Variants in RNF166 observed in about 807,000 individuals in gnomAD.
RNF166 encodes ring finger protein 166, also known as E3 ubiquitin-protein ligase RNF166.
In RNF166, 19 loss-of-function variants were observed where a neutral mutation model predicts 29.4. That is an observed-to-expected ratio of 0.65 (90% CI 0.45 to 0.95). RNF166 has a LOEUF of 0.95. Ranked by LOEUF, RNF166 falls within the 40% of genes least tolerant of loss-of-function variation. The pLI is 0.00. For missense variants in RNF166, 347 were observed against 322.1 expected (o/e 1.08, Z -0.59); for synonymous variants, 171 against 134.5 (o/e 1.27, Z -1.88).
At chr16:88,703,785 C>A in intron 1 of RNF166, 1 of 985,482 alleles carries the variant, frequency 1.0e-6, no homozygotes, top group South Asian at 4.7e-5. Flanking sequence ...GCACCCGGGA[C>A]TGCCAATGTG....
At chr16:88,701,112 G>A (rs1416378173) in intron 2 of RNF166, 150 bp downstream of exon 2, 19 of 1,240,972 alleles carry the variant, frequency 1.5e-5, no homozygotes, top group Non-Finnish European at 2.0e-5. Context: ...GGAGGGAGGC[G>A]CCGGGGCTGG....
rs112070238 is a variant in RNF166, at chr16:88,706,338, C to T, written c.-13G>A. On this transcript the variant is annotated 5_prime_UTR_variant, in exon 1 of 6. Transcript: ENST00000312838. ...GGAACATAGCCATCCCGGGGCCAGG[C>T]CCGCGCCGCCCGCCGCCCGCTGTCC... 484,432 of 1,218,000 alleles carry T rather than the reference C, an allele frequency of 0.4. 103,650 individuals carry two copies. Among genetic ancestry groups the T allele is most frequent in the Non-Finnish European group, 0.44 (430,167 of 980,178 alleles). 75.4% of individuals were successfully genotyped at this position (1,218,000 alleles called of 1,614,324 possible). A position where few individuals can be genotyped will look rare whatever the true frequency, so the allele number is the denominator to read the frequency against.
chr16:88,699,529 C>G, intron 3 of RNF166, 91 bp downstream of exon 3: 1 of 1,040,024 alleles, frequency 9.6e-7, no homozygotes, highest in Non-Finnish European at 1.4e-6. Context: ...GGTGACTCCC[C>G]CAGCCTCTCT....
rs543719755 is a variant in RNF166, at chr16:88,703,855, T to G, written c.155+2316A>C. On this transcript the variant is annotated intron_variant, in intron 1 of 5. Coordinates refer to ENST00000312838, the MANE Select transcript of RNF166 (RefSeq NM_178841.4). ...TGGGACGGCCCGTGCCTCAGGGATCTGCCTGGCTGGCAGGCCAGCACCCTC... is the reference window on the plus strand; with the variant it reads ...TGGGACGGCCCGTGCCTCAGGGATCGGCCTGGCTGGCAGGCCAGCACCCTC... 1.4e-4 allele frequency: 142 copies of G among 985,462 alleles called. No homozygotes were observed. The African/African-American group carries it at 2.3e-3, about 16-fold the overall frequency. 61.0% of individuals were successfully genotyped at this position (985,462 alleles called of 1,614,324 possible).
At position 88,706,375 on chromosome 16, in the gene RNF166, G is replaced by C. The variant is rs1910810109; in HGVS notation, c.-50C>G. The C allele has an allele frequency of 2.5e-6, 3 of 1,215,166 alleles. No individual in the cohort carries two copies. Among genetic ancestry groups the C allele is most frequent in the Admixed American group, 4.4e-5 (1 of 22,826 alleles). The allele number at this position is 1,215,166 out of a possible 1,614,324, so 75.3% of individuals were successfully genotyped here. ...GCCGCCCGCTGTCCTGGCCCGGGCC[G>C]GCCCGCTAGTCACAGCCGCTACTGC... On this transcript the variant is annotated 5_prime_UTR_variant, in exon 1 of 6. Coordinates refer to ENST00000312838, the MANE Select transcript of RNF166 (RefSeq NM_178841.4).
At chr16:88,704,203 C>G in intron 1 of RNF166, 1 of 985,452 alleles carries the variant, frequency 1.0e-6, no homozygotes, top group South Asian at 4.7e-5. Flanking sequence ...CCTGAAGAGC[C>G]TTTAAACTTT....
At position 88,697,966 on chromosome 16, in the gene RNF166, C is replaced by T. The variant is rs922365517; in HGVS notation, c.649-333G>A. 14 of 467,894 alleles carry T rather than the reference C, an allele frequency of 3.0e-5. 1 individual carries two copies. In the South Asian group the frequency reaches 3.1e-4, roughly 10 times the overall value. 29.0% of individuals were successfully genotyped at this position (467,894 alleles called of 1,614,324 possible). ...AATTTCCATCCTGAGGCAGGCGGAGCGTGGGTCCCGGACGACTGGCAGAGG... is the reference window on the plus strand; with the variant it reads ...AATTTCCATCCTGAGGCAGGCGGAGTGTGGGTCCCGGACGACTGGCAGAGG... On this transcript the variant is annotated intron_variant, in intron 5 of 5. Coordinates refer to ENST00000312838, the MANE Select transcript of RNF166 (RefSeq NM_178841.4).
chr16:88,700,656 G>T lies in RNF166; in HGVS notation c.312+606C>A, dbSNP rs569670553. Reference sequence around the variant, plus strand: ...GTCCTCCGGAAGCCACTGAAAGAACGGGGCGCTGGCTGGGGCCTCTCCACC... The same window carrying T: ...GTCCTCCGGAAGCCACTGAAAGAACTGGGCGCTGGCTGGGGCCTCTCCACC... On this transcript the variant is annotated intron_variant, in intron 2 of 5. Coordinates refer to ENST00000312838, the MANE Select transcript of RNF166 (RefSeq NM_178841.4). 9.1e-6 allele frequency: 9 copies of T among 986,700 alleles called. No homozygotes were observed. The African/African-American group carries it at 1.4e-4, about 15-fold the overall frequency. The allele number at this position is 986,700 out of a possible 1,614,324, so 61.1% of individuals were successfully genotyped here. A position where few individuals can be genotyped will look rare whatever the true frequency, so the allele number is the denominator to read the frequency against.
intron 2 of RNF166, 46 bp from the exon 3 acceptor site, chr16:88,699,778 A>AG: frequency 6.8e-7 from 1 of 1,477,894 alleles, no homozygotes; most frequent in Non-Finnish European, 9.4e-7. Context: ...AGAATCTGGA[A>AG]GGGCCGTCCT....
chr16:88,706,254 G>A lies in RNF166; in HGVS notation c.72C>T (p.Asp24=). Residue 24 remains aspartate, a synonymous_variant, in exon 1 of 6, where the codon GAC becomes GAT. Transcript: ENST00000312838. ...RQPPAGPAGG[D]SGLEAQYTCP... ...AGGTGTACTGCGCCTCCAGGCCGCTGTCGCCGCCCGCCGGCCCGGCCGGCG... is the reference window on the plus strand; with the variant it reads ...AGGTGTACTGCGCCTCCAGGCCGCTATCGCCGCCCGCCGGCCCGGCCGGCG... The A allele has an allele frequency of 2.3e-6, 3 of 1,302,192 alleles. No homozygotes were observed. The highest frequency in any genetic ancestry group is 2.9e-6 in the Non-Finnish European group (3 of 1,022,780). 80.7% of individuals were successfully genotyped at this position (1,302,192 alleles called of 1,614,324 possible). A position where few individuals can be genotyped will look rare whatever the true frequency, so the allele number is the denominator to read the frequency against.
chr16:88,697,472 C>A lies in RNF166; in HGVS notation c.*96G>T. The A allele has an allele frequency of 1.1e-6, 1 of 896,204 alleles. No homozygotes were observed. The highest frequency in any genetic ancestry group is 1.8e-6 in the Non-Finnish European group (1 of 570,092). 55.5% of individuals were successfully genotyped at this position (896,204 alleles called of 1,614,324 possible). A position where few individuals can be genotyped will look rare whatever the true frequency, so the allele number is the denominator to read the frequency against. On this transcript the variant is annotated 3_prime_UTR_variant, in exon 6 of 6. Transcript: ENST00000312838. Reference sequence around the variant, plus strand: ...CGGGTGCAGGCTCCTCCTGTGAGCTCAGTCCGGTGAGGTGCGCTCCCGAGC... The same window carrying A: ...CGGGTGCAGGCTCCTCCTGTGAGCTAAGTCCGGTGAGGTGCGCTCCCGAGC...
intron 1 of RNF166, chr16:88,703,292 G>T: frequency 3.0e-6 from 3 of 985,234 alleles, no homozygotes; most frequent in Non-Finnish European, 3.6e-6. Flanking sequence ...CGACTGGATG[G>T]TGCACCTCCT....
At chr16:88,701,021 G>GCGGCTCTGACAGTGCTACCCC in intron 2 of RNF166, 1 of 1,381,660 alleles carries the variant, frequency 7.2e-7, no homozygotes, top group Non-Finnish European at 9.4e-7. Flanking sequence ...CCCGGGCTAG[G>GCGGCTCTGACAGTGCTACCCC]CGGCTCTGAC....
rs1910430118 is a variant in RNF166, at chr16:88,703,133, A to G, written c.156-1715T>C. On this transcript the variant is annotated intron_variant, in intron 1 of 5. Coordinates refer to ENST00000312838, the MANE Select transcript of RNF166 (RefSeq NM_178841.4). ...CCACCCGTGTCGTGGGGGTCCACTC[A>G]CGCTCAACGTCCAGCAGAGAGAAAC... is the stretch of plus-strand genomic sequence containing the variant. 3.0e-6 allele frequency: 3 copies of G among 985,426 alleles called. 1 individual carries two copies. The South Asian group carries it at 1.4e-4, about 46-fold the overall frequency. 61.0% of individuals were successfully genotyped at this position (985,426 alleles called of 1,614,324 possible).
rs1486483124 is a variant in RNF166 at position 88,701,313 on chromosome 16, C to T, written c.261G>A (p.Val87=). 1 of 1,613,772 alleles carries T rather than the reference C, an allele frequency of 6.2e-7. No homozygotes were observed. The highest frequency in any genetic ancestry group is 1.1e-5 in the South Asian group (1 of 91,086). The change falls in exon 2 of 6, where the codon GTG becomes GTA. Residue 87 remains valine, a synonymous_variant. Transcript: ENST00000312838. ...DPKKVDKATH[V]EKQLSSYKAP... is the part of the protein sequence containing the mutation. ...CTTTGTAGGATGAGAGCTGCTTCTC[C>T]ACGTGGGTGGCCTTGTCCACCTTCT...
intron 1 of RNF166, chr16:88,704,143 G>T: frequency 2.0e-6 from 2 of 985,470 alleles, no homozygotes; most frequent in Non-Finnish European, 2.4e-6. Context: ...TCTGGTTGGG[G>T]AGCTTGCGGA....
chr16:88,705,774 T>C (rs1390163033), intron 1 of RNF166, among the ~76,000 whole-genome samples: 1 of 152,140 alleles, frequency 6.6e-6, no homozygotes, highest in East Asian at 1.9e-4. Context: ...AAACTACAAG[T>C]TATTTATTTA....
chr16:88,698,887 C>T (rs944163541), intron 4 of RNF166, 84 bp downstream of exon 4: 21 of 1,131,084 alleles, frequency 1.9e-5, no homozygotes, highest in Admixed American at 1.2e-4. Flanking sequence ...CCCCCGGACT[C>T]GCCGCGAGCA....
chr16:88,699,894 G>A, intron 2 of RNF166, 162 bp from the exon 3 acceptor site: 3 of 555,550 alleles, frequency 5.4e-6, no homozygotes, highest in South Asian at 4.7e-5. Context: ...AACAATCTCA[G>A]GCACTGAGCA....
Sources: allele counts gnomAD v4.1 joint callset (sites outside exome capture counted in the v4.1 genomes callset), GRCh38; gene constraint gnomAD v4.1.1; transcripts MANE v1.5; gene names NCBI Gene and HGNC (gene_info 2026-07-23, HGNC 2026-07-21).